The following ST6GALNAC6 variants were observed in gnomAD, a reference collection of about 807,000 sequenced individuals.
ST6GALNAC6 encodes the protein ST6 N-acetylgalactosaminide alpha-2,6-sialyltransferase 6.
A neutral mutation model predicts 34.3 loss-of-function variants in ST6GALNAC6; 19 were observed. That is an observed-to-expected ratio of 0.55 (90% CI 0.39 to 0.81). The LOEUF is 0.81. ST6GALNAC6 is among the 40% of genes least tolerant of loss of function. The probability of loss-of-function intolerance (pLI) is 0.00; values close to 1 mark genes in which losing one functional copy is unlikely to be tolerated. For missense variants in ST6GALNAC6, 377 were observed against 467.7 expected (o/e 0.81, Z 1.79); for synonymous variants, 185 against 182.1 (o/e 1.02, Z -0.13).
intron 4 of ST6GALNAC6, among the ~76,000 whole-genome samples, chr9:127,894,148 G>A (rs556442234): frequency 7.9e-5 from 12 of 152,284 alleles, no homozygotes; most frequent in Middle Eastern, 3.4e-3. Context: ...GCACACACAC[G>A]CACTTGATAA....
upstream of ST6GALNAC6, among the ~76,000 whole-genome samples, chr9:127,906,432 T>C (rs1830917276): frequency 6.6e-6 from 1 of 152,120 alleles, no homozygotes; most frequent in Admixed American, 6.5e-5. Context: ...GAAGTAGTGA[T>C]GCCTGGAAGG....
chr9:127,894,141 C>T (rs142787281), intron 4 of ST6GALNAC6, among the ~76,000 whole-genome samples: 1 of 152,310 alleles, frequency 6.6e-6, no homozygotes, highest in East Asian at 1.9e-4. Flanking sequence ...GGGCCTGGCA[C>T]ACACACGCAC....
intron 5 of ST6GALNAC6, among the ~76,000 whole-genome samples, chr9:127,888,160 AG>A (rs2131468281): frequency 6.6e-6 from 1 of 152,330 alleles, no homozygotes; most frequent in African/African-American, 2.4e-5. Flanking sequence ...CTGTAATCCC[AG>A]GACTTCAAGA....
chr9:127,897,549 G>A (rs1031447946), intron 2 of ST6GALNAC6: 68 of 614,240 alleles, frequency 1.1e-4, no homozygotes, highest in Non-Finnish European at 1.4e-4. Context: ...TTTCTCCAGC[G>A]GCTGCCCCTC....
upstream of ST6GALNAC6, among the ~76,000 whole-genome samples, chr9:127,902,565 CATTATTATTATT>C (rs61633477): frequency 0.72 from 105,747 of 147,010 alleles, 40,312 homozygotes; most frequent in Non-Finnish European, 0.85. Flanking sequence ...ATAATGGTCA[CATTATTATTATT>C]ATTATTATTA....
At chr9:127,896,984 A>T in intron 2 of ST6GALNAC6, 2 of 978,566 alleles carry the variant, frequency 2.0e-6, no homozygotes. Context: ...GGCTAAGGGC[A>T]CAGACTCAAG....
intron 5 of ST6GALNAC6, among the ~76,000 whole-genome samples, 168 bp from the exon 6 acceptor site, chr9:127,887,759 G>A (rs1588631431): frequency 6.6e-6 from 1 of 152,236 alleles, no homozygotes; most frequent in East Asian, 1.9e-4. Context: ...AGCATGGCAT[G>A]TGGCAGAGGG....
chr9:127,902,905 A>G (rs889439013), upstream of ST6GALNAC6: 25 of 149,092 alleles, frequency 1.7e-4, no homozygotes, highest in African/African-American at 5.9e-4. Context: ...ATTTTTATAT[A>G]TATTTAAATA....
At chr9:127,898,428 AAAAGAAAG>A (rs201417634) in intron 1 of ST6GALNAC6, among the ~76,000 whole-genome samples, 7 of 151,906 alleles carry the variant, frequency 4.6e-5, no homozygotes, top group Admixed American at 4.6e-4. Flanking sequence ...AAAATAAAAT[AAAAGAAAG>A]AAAGAAAGAA....
upstream of ST6GALNAC6, chr9:127,899,782 G>T (rs1830687000): frequency 4.6e-6 from 2 of 434,410 alleles, no homozygotes; most frequent in Non-Finnish European, 6.1e-6. Flanking sequence ...ACCCCACTGG[G>T]CAGCCCGGGG....
rs962709429 is a variant in ST6GALNAC6, at chr9:127,886,404, T to C, written c.*195A>G. 3.8e-5 allele frequency: 54 copies of C among 1,432,004 alleles called. No individual in the cohort carries two copies. The highest frequency in any genetic ancestry group is 4.7e-5 in the Non-Finnish European group (51 of 1,094,306). 88.7% of individuals were successfully genotyped at this position (1,432,004 alleles called of 1,614,324 possible). A position where few individuals can be genotyped will look rare whatever the true frequency, so the allele number is the denominator to read the frequency against. On this transcript the variant is annotated 3_prime_UTR_variant, in exon 7 of 7. Coordinates refer to ENST00000373146, the MANE Select transcript of ST6GALNAC6 (RefSeq NM_013443.5). ...AGAAAGACACCCCTGATTAACCGCATAGACTCCCAAATCCCTGATTCGCCA... is the reference window on the plus strand; with the variant it reads ...AGAAAGACACCCCTGATTAACCGCACAGACTCCCAAATCCCTGATTCGCCA...
At chr9:127,891,949 C>T (rs1023951050) in intron 4 of ST6GALNAC6, among the ~76,000 whole-genome samples, 2 of 151,888 alleles carry the variant, frequency 1.3e-5, no homozygotes, top group African/African-American at 4.8e-5. Context: ...CTCAGGAGTT[C>T]GAGACCAGCC....
intron 5 of ST6GALNAC6, among the ~76,000 whole-genome samples, chr9:127,888,338 T>C (rs1254109318): frequency 6.6e-6 from 1 of 151,238 alleles, no homozygotes; most frequent in Non-Finnish European, 1.5e-5. Flanking sequence ...ACCCTGTCTC[T>C]ACTAAAAATA....
chr9:127,887,460 A>G (rs774899288), intron 6 of ST6GALNAC6, 24 bp downstream of exon 6: 14 of 1,591,338 alleles, frequency 8.8e-6, no homozygotes, highest in Non-Finnish European at 1.2e-5. Flanking sequence ...TTGTCCTGGG[A>G]GGGCGCTGGC....
chr9:127,885,849 G>T lies in ST6GALNAC6; in HGVS notation c.*750C>A, dbSNP rs1829724069. The T allele has an allele frequency of 6.6e-6, 1 of 152,228 alleles. No homozygotes were observed. Among genetic ancestry groups the T allele is most frequent in the South Asian group, 2.1e-4 (1 of 4,830 alleles). The allele number at this position is 152,228 out of a possible 1,614,324, so 9.4% of individuals were successfully genotyped here. On this transcript the variant is annotated 3_prime_UTR_variant, in exon 7 of 7. Transcript: ENST00000373146. Reference sequence around the variant, plus strand: ...AAAAATACCCTAAAGTTTTCCAGGAGGTGGGGAGGTCACCCCAGACCCCCC... The same window carrying T: ...AAAAATACCCTAAAGTTTTCCAGGATGTGGGGAGGTCACCCCAGACCCCCC...
At chr9:127,906,300 C>A (rs1564498658), upstream of ST6GALNAC6, among the ~76,000 whole-genome samples, 1 of 152,138 alleles carries the variant, frequency 6.6e-6, no homozygotes, top group Non-Finnish European at 1.5e-5. Context: ...TTAAAGTTGG[C>A]AACAGCAGAG....
At chr9:127,897,424 A>G (rs1830534300) in intron 2 of ST6GALNAC6, 1 of 986,650 alleles carries the variant, frequency 1.0e-6, no homozygotes, top group Non-Finnish European at 1.2e-6. Flanking sequence ...ACCTCGGGCC[A>G]GAGGAGGCTT....
chr9:127,894,894 C>T (rs1342739002), intron 3 of ST6GALNAC6, among the ~76,000 whole-genome samples: 2 of 152,210 alleles, frequency 1.3e-5, no homozygotes, highest in African/African-American at 2.4e-5. Flanking sequence ...CCCATCCCTC[C>T]AATTAGACCG....
intron 5 of ST6GALNAC6, among the ~76,000 whole-genome samples, chr9:127,888,588 C>T (rs1829935259): frequency 6.6e-6 from 1 of 151,302 alleles, no homozygotes; most frequent in Non-Finnish European, 1.5e-5. Context: ...GCGGGCAGAT[C>T]ACGAAGTCAA....
Sources: gnomAD v4.1 joint callset for allele counts (sites outside exome capture counted in the v4.1 genomes callset) on GRCh38, gnomAD v4.1.1 for gene constraint, MANE v1.5 for transcripts, NCBI Gene and HGNC (gene_info 2026-07-23, HGNC 2026-07-21) for gene names.